The following SV2C variants were observed in gnomAD, a reference collection of about 807,000 sequenced individuals.
The protein encoded by SV2C is synaptic vesicle glycoprotein 2C, also known as solute carrier family 22 member B3.
In SV2C, 49 loss-of-function variants were observed where a neutral mutation model predicts 79.7. The observed-to-expected ratio is 0.61, with a 90% CI of 0.49 to 0.78. The LOEUF (loss-of-function observed/expected upper bound fraction) is 0.78, where lower values mean the gene tolerates loss of function less well. Among genes scored for constraint, SV2C ranks in the 30% least tolerant of loss-of-function variants. The pLI, the probability that SV2C is intolerant of heterozygous loss-of-function variation, is 0.00. For synonymous variants in SV2C, 334 were observed against 333.2 expected (o/e 1.00, Z -0.03); for missense variants, 833 against 912.9 (o/e 0.91, Z 1.13).
chr5:76,352,241 C>G (rs891531122), intron 12 of SV2C, among the ~76,000 whole-genome samples: 4 of 151,938 alleles, frequency 2.6e-5, no homozygotes, highest in Non-Finnish European at 5.9e-5. Context: ...ACAAAAACAT[C>G]TGCCATGTAA....
chr5:76,032,239 GATAA>G, the SV2C span, among the ~76,000 whole-genome samples: 21,530 of 150,710 alleles, frequency 0.14, 4,962 homozygotes, highest in African/African-American at 0.49. Flanking sequence ...TTTTTCCTGT[GATAA>G]ATAATCTTTT....
the SV2C span, among the ~76,000 whole-genome samples, chr5:76,038,668 T>C: frequency 1.3e-5 from 2 of 152,246 alleles, no homozygotes; most frequent in Non-Finnish European, 2.9e-5. Flanking sequence ...TAATTGAACT[T>C]ATCTTAGTCT....
chr5:75,884,666 A>G, the SV2C span, among the ~76,000 whole-genome samples: 169 of 152,276 alleles, frequency 1.1e-3, no homozygotes, highest in Middle Eastern at 6.8e-3. Context: ...TTATCACCAT[A>G]CATAACTAAT....
At chr5:76,080,500 G>C (rs1746968956), upstream of SV2C, among the ~76,000 whole-genome samples, 1 of 152,196 alleles carries the variant, frequency 6.6e-6, no homozygotes, top group African/African-American at 2.4e-5. Flanking sequence ...ACTACTAAAA[G>C]AGGAAGAGCA....
At chr5:75,877,074 A>C in the SV2C span, among the ~76,000 whole-genome samples, 1 of 152,096 alleles carries the variant, frequency 6.6e-6, no homozygotes, top group Non-Finnish European at 1.5e-5. Context: ...CGAAAGATAC[A>C]ATAGATTGAA....
chr5:75,970,363 CA>C, the SV2C span, among the ~76,000 whole-genome samples: 543 of 152,090 alleles, frequency 3.6e-3, 6 homozygotes, highest in African/African-American at 0.012. Flanking sequence ...AAAAACCCTT[CA>C]AAAAATCAAT....
chr5:75,989,808 T>A, the SV2C span, among the ~76,000 whole-genome samples: 1 of 152,164 alleles, frequency 6.6e-6, no homozygotes, highest in Admixed American at 6.6e-5. Context: ...GTTTTTTGAC[T>A]TTTTAGTAAT....
intron 3 of SV2C, among the ~76,000 whole-genome samples, chr5:76,203,918 G>T (rs894094094): frequency 6.6e-6 from 1 of 152,220 alleles, no homozygotes; most frequent in African/African-American, 2.4e-5. Context: ...TTGATTTGAT[G>T]ATGAGTTAGG....
chr5:75,990,804 TA>T, the SV2C span, among the ~76,000 whole-genome samples: 1 of 150,716 alleles, frequency 6.6e-6, no homozygotes, highest in Non-Finnish European at 1.5e-5. Flanking sequence ...TAAAGTATAA[TA>T]AAAAAAAAGT....
chr5:76,179,281 C>T (rs1425578720), intron 2 of SV2C, among the ~76,000 whole-genome samples: 1 of 152,132 alleles, frequency 6.6e-6, no homozygotes, highest in African/African-American at 2.4e-5. Flanking sequence ...TGAACGAATG[C>T]AGTGTGCTTA....
intron 2 of SV2C, among the ~76,000 whole-genome samples, chr5:76,164,558 T>A (rs1044141432): frequency 6.6e-6 from 1 of 152,212 alleles, no homozygotes; most frequent in African/African-American, 2.4e-5. Context: ...AGTTAAATCA[T>A]GTGACTAAGC....
At chr5:76,007,589 T>C in the SV2C span, among the ~76,000 whole-genome samples, 1 of 152,110 alleles carries the variant, frequency 6.6e-6, no homozygotes, top group Non-Finnish European at 1.5e-5. Context: ...GTACAGTACT[T>C]CGTCAGGGTA....
chr5:76,164,492 A>G (rs914241601), intron 2 of SV2C, among the ~76,000 whole-genome samples: 6 of 152,360 alleles, frequency 3.9e-5, no homozygotes, highest in African/African-American at 1.4e-4. Context: ...GATGTGGCAC[A>G]TTTAACTTAT....
At chr5:76,291,023 A>C (rs1747543480) in intron 6 of SV2C, among the ~76,000 whole-genome samples, 198 bp from the exon 7 acceptor site, 1 of 152,104 alleles carries the variant, frequency 6.6e-6, no homozygotes, top group East Asian at 1.9e-4. Flanking sequence ...CCTCTCACTC[A>C]TTCCTTCTTC....
chr5:75,886,264 AAG>A, the SV2C span, among the ~76,000 whole-genome samples: 1 of 152,134 alleles, frequency 6.6e-6, no homozygotes, highest in East Asian at 1.9e-4. Flanking sequence ...CTTACTAGGA[AAG>A]TTACCAGAAA....
the SV2C span, among the ~76,000 whole-genome samples, chr5:75,964,259 C>T: frequency 6.6e-6 from 1 of 152,280 alleles, no homozygotes; most frequent in East Asian, 1.9e-4. Flanking sequence ...GGCTGTTCTA[C>T]CAACAGGCTT....
the SV2C span, among the ~76,000 whole-genome samples, chr5:75,997,691 A>G: frequency 6.6e-6 from 1 of 152,218 alleles, no homozygotes; most frequent in African/African-American, 2.4e-5. Context: ...TCAGGAAACA[A>G]CAAGTGCTGG....
At chr5:75,877,520 T>A in the SV2C span, among the ~76,000 whole-genome samples, 2 of 151,284 alleles carry the variant, frequency 1.3e-5, no homozygotes, top group Admixed American at 6.6e-5. Context: ...GATCATTTTT[T>A]AAAAACTTAG....
the SV2C span, among the ~76,000 whole-genome samples, chr5:76,046,193 A>G: frequency 1.3e-5 from 2 of 152,218 alleles, no homozygotes; most frequent in South Asian, 2.1e-4. Context: ...AAATAATCCT[A>G]TCCTGTAATT....
Sources: allele counts gnomAD v4.1 joint callset (sites outside exome capture counted in the v4.1 genomes callset), GRCh38; gene constraint gnomAD v4.1.1; transcripts MANE v1.5; gene names NCBI Gene and HGNC (gene_info 2026-07-23, HGNC 2026-07-21).